TRIT1: variants seen among roughly 807,000 people sequenced by gnomAD.
TRIT1 encodes the protein tRNA dimethylallyltransferase.
Under a neutral mutation model 51.2 loss-of-function variants are expected in TRIT1, and 43 were observed. The ratio of observed to expected loss-of-function variants is 0.84; its 90% CI spans 0.66 to 1.08. The LOEUF (loss-of-function observed/expected upper bound fraction) is 1.08, where lower values mean the gene tolerates loss of function less well. Ranked by LOEUF, TRIT1 falls within the 50% of genes least tolerant of loss-of-function variation. The pLI is 0.00. For synonymous variants in TRIT1, 184 were observed against 203.9 expected (o/e 0.90, Z 0.83); for missense variants, 528 against 578.4 (o/e 0.91, Z 0.89).
chr1:39,857,225 GCT>G, intron 2 of TRIT1, 50 bp downstream of exon 2: 1 of 1,544,844 alleles, frequency 6.5e-7, no homozygotes, highest in South Asian at 1.2e-5. Flanking sequence ...TTCTCTCTTG[GCT>G]TGGGCTGCTT....
chr1:39,859,313 CGGAGACTCACA>C (rs1557556043), intron 1 of TRIT1, among the ~76,000 whole-genome samples: 2 of 128,068 alleles, frequency 1.6e-5, no homozygotes, highest in African/African-American at 5.6e-5. Context: ...AGGCCAGGTG[CGGAGACTCACA>C]CCTGTAATCC....
intron 5 of TRIT1, among the ~76,000 whole-genome samples, chr1:39,848,368 T>C (rs1642358461): frequency 6.6e-6 from 1 of 152,030 alleles, no homozygotes. Flanking sequence ...AGGACAAATA[T>C]TTTATTCTCA....
chr1:39,866,958 T>C (rs1643591643), intron 1 of TRIT1, among the ~76,000 whole-genome samples: 1 of 152,156 alleles, frequency 6.6e-6, no homozygotes, highest in African/African-American at 2.4e-5. Flanking sequence ...ACCACTGCAC[T>C]CCAGCCTGAA....
At chr1:39,875,761 G>A (rs565775549) in intron 1 of TRIT1, among the ~76,000 whole-genome samples, 1 of 152,096 alleles carries the variant, frequency 6.6e-6, no homozygotes, top group African/African-American at 2.4e-5. Context: ...TGGTACAGAG[G>A]AAAAGAATGG....
chr1:39,859,531 C>T (rs911183751), intron 1 of TRIT1, among the ~76,000 whole-genome samples: 3 of 150,016 alleles, frequency 2.0e-5, no homozygotes, highest in South Asian at 2.1e-4. Context: ...TGCAGCGAGC[C>T]GAGATCATAC....
chr1:39,881,227 C>CA (rs56205358), intron 1 of TRIT1, among the ~76,000 whole-genome samples: 855 of 79,900 alleles, frequency 0.011, 3 homozygotes, highest in African/African-American at 0.027. Flanking sequence ...ACTCTGTCTC[C>CA]AAAAAAAAAA....
At position 39,883,439 on chromosome 1, in the gene TRIT1, C is replaced by T. The variant is rs146989823; in HGVS notation, c.53G>A (p.Gly18Asp). Residue 18 changes from glycine to aspartate, a missense_variant, in exon 1 of 11, where the codon GGC becomes GAC. Gly to Asp is a moderately conservative substitution (Grantham distance 94, BLOSUM62 -1). This residue lies in a region of TRIT1 where 55 missense variants were observed against 37.0 expected (regional missense o/e 1.49). Transcript: ENST00000316891. ...TACAAGAGGTAGGGTCCGTTGCAGG[C>T]CCCTGAGCCCACTGCCCACGGGAAC... The part of the protein sequence containing the change: ...RAVPVGSGLR[G>D]LQRTLPLVVI... 6.2e-7 allele frequency: 1 copy of T among 1,610,936 alleles called. No individual in the cohort carries two copies. Among genetic ancestry groups the T allele is most frequent in the South Asian group, 1.1e-5 (1 of 91,020 alleles).
At chr1:39,848,748 G>A (rs1450845524) in intron 5 of TRIT1, among the ~76,000 whole-genome samples, 4 of 151,454 alleles carry the variant, frequency 2.6e-5, no homozygotes, top group Non-Finnish European at 5.9e-5. Context: ...GCTTGAACCC[G>A]GGAGGCAGAG....
chr1:39,872,752 AACACACACAC>A (rs61554657), intron 1 of TRIT1, among the ~76,000 whole-genome samples: 10 of 134,988 alleles, frequency 7.4e-5, no homozygotes, highest in Non-Finnish European at 1.1e-4. Flanking sequence ...GGAAGTACTA[AACACACACAC>A]ACACACACAC....
rs992204483 is a variant in TRIT1, at chr1:39,838,593, T to C, written c.*3151A>G. Reference sequence around the variant, plus strand: ...CCCAAGCCATCCTCCTACCTGAGCCTTCCACGTAGCTGGGACTATAGGCAT... The same window carrying C: ...CCCAAGCCATCCTCCTACCTGAGCCCTCCACGTAGCTGGGACTATAGGCAT... On this transcript the variant is annotated 3_prime_UTR_variant, in exon 11 of 11. Coordinates refer to ENST00000316891, the MANE Select transcript of TRIT1 (RefSeq NM_017646.6). Among the ~76,000 whole-genome samples, 1 of 152,184 alleles carries C rather than the reference T, an allele frequency of 6.6e-6. No homozygotes were observed. The highest frequency in any genetic ancestry group is 1.5e-5 in the Non-Finnish European group (1 of 68,028).
At chr1:39,864,723 G>C (rs1408008972) in intron 1 of TRIT1, among the ~76,000 whole-genome samples, 4 of 151,856 alleles carry the variant, frequency 2.6e-5, no homozygotes, top group Non-Finnish European at 4.4e-5. Context: ...TACAGCCAAA[G>C]ATCCCATCCT....
At chr1:39,872,105 C>T (rs1643899645) in intron 1 of TRIT1, among the ~76,000 whole-genome samples, 1 of 128,202 alleles carries the variant, frequency 7.8e-6, no homozygotes, top group Admixed American at 9.0e-5. Context: ...GAGATGGGCT[C>T]TCACTATGTT....
chr1:39,850,311 G>T, intron 4 of TRIT1, 50 bp from the exon 5 acceptor site: 1 of 1,598,116 alleles, frequency 6.3e-7, no homozygotes, highest in Non-Finnish European at 8.5e-7. Context: ...AAAACCAATA[G>T]AAAATATTCA....
At chr1:39,883,156 C>T (rs953934318) in intron 1 of TRIT1, among the ~76,000 whole-genome samples, 162 bp downstream of exon 1, 1 of 152,194 alleles carries the variant, frequency 6.6e-6, no homozygotes, top group African/African-American at 2.4e-5. Context: ...AAACATCTGG[C>T]ACTGTGTCTG....
At chr1:39,873,348 C>G (rs930861065) in intron 1 of TRIT1, among the ~76,000 whole-genome samples, 3 of 152,132 alleles carry the variant, frequency 2.0e-5, no homozygotes, top group Admixed American at 6.6e-5. Context: ...TTCCCAAAAT[C>G]CATAATGCCA....
intron 1 of TRIT1, among the ~76,000 whole-genome samples, chr1:39,871,561 C>T (rs1258622517): frequency 6.6e-6 from 1 of 152,156 alleles, no homozygotes; most frequent in Non-Finnish European, 1.5e-5. Flanking sequence ...CCCTGGGCAA[C>T]AGAATGAGAC....
At chr1:39,863,640 GA>G (rs138416890) in intron 1 of TRIT1, among the ~76,000 whole-genome samples, 6 of 146,442 alleles carry the variant, frequency 4.1e-5, no homozygotes, top group African/African-American at 5.0e-5. Flanking sequence ...TTTCCACACT[GA>G]AAAAAAAAAT....
At chr1:39,856,935 T>C (rs1642936434) in intron 2 of TRIT1, among the ~76,000 whole-genome samples, 3 of 152,202 alleles carry the variant, frequency 2.0e-5, no homozygotes, top group Non-Finnish European at 4.4e-5. Flanking sequence ...TAAATTGGTG[T>C]TCTTATCACT....
intron 2 of TRIT1, among the ~76,000 whole-genome samples, chr1:39,855,005 A>G (rs533968436): frequency 3.0e-4 from 46 of 152,122 alleles, no homozygotes; most frequent in Non-Finnish European, 5.6e-4. Context: ...ATGCCACCAC[A>G]TCTGGCTAAT....
Sources: gnomAD v4.1 joint callset for allele counts (sites outside exome capture counted in the v4.1 genomes callset) on GRCh38, gnomAD v4.1.1 for gene constraint, gnomAD v4.1.1 regional missense constraint, MANE v1.5 for transcripts, NCBI Gene and HGNC (gene_info 2026-07-23, HGNC 2026-07-21) for gene names.